Variants in FRMD4B observed in about 807,000 individuals in gnomAD.
FRMD4B encodes FERM domain-containing protein 4B.
A neutral mutation model predicts 141.5 loss-of-function variants in FRMD4B; 74 were observed. The observed-to-expected ratio is 0.52, with a 90% confidence interval of 0.43 to 0.63. The LOEUF (loss-of-function observed/expected upper bound fraction) is 0.63. Ranked by LOEUF, FRMD4B falls within the 30% of genes least tolerant of loss-of-function variation. The probability of loss-of-function intolerance (pLI) is 0.00; values close to 1 mark genes in which losing one functional copy is unlikely to be tolerated. For synonymous variants in FRMD4B, 506 were observed against 467.9 expected (o/e 1.08, Z -1.05); for missense variants, 1,366 against 1,253.4 (o/e 1.09, Z -1.36).
intron 7 of FRMD4B, among the ~76,000 whole-genome samples, chr3:69,232,075 G>A (rs1044832054): frequency 6.6e-6 from 1 of 152,174 alleles, no homozygotes; most frequent in African/African-American, 2.4e-5. Context: ...AGTTCAGAGG[G>A]AGGGCCCAAA....
intron 2 of FRMD4B, among the ~76,000 whole-genome samples, chr3:69,422,553 A>C: frequency 6.6e-6 from 1 of 152,206 alleles, no homozygotes; most frequent in Admixed American, 6.5e-5. Flanking sequence ...TTAGGTCAGT[A>C]GTCACCAAAC....
intron 1 of FRMD4B, among the ~76,000 whole-genome samples, chr3:69,316,673 A>G (rs1245641592): frequency 6.6e-6 from 1 of 152,222 alleles, no homozygotes; most frequent in East Asian, 1.9e-4. Context: ...AACAACCTTC[A>G]AAAGCTAATC....
chr3:69,484,638 G>A (rs1227815443), intron 1 of FRMD4B, among the ~76,000 whole-genome samples: 1 of 152,028 alleles, frequency 6.6e-6, no homozygotes, highest in African/African-American at 2.4e-5. Context: ...TTCTACAGCT[G>A]GTGTTCCTGA....
intron 5 of FRMD4B, among the ~76,000 whole-genome samples, chr3:69,267,626 TATATATATATAGAGAGAGAGAGAGAG>T (rs1260929003): frequency 0.082 from 1,098 of 13,402 alleles, 6 homozygotes; most frequent in Non-Finnish European, 0.12. Context: ...TATATATATA[TATATATATATAGAGAGAGAGAGAGAG>T]AGAGAGAGAG....
At chr3:69,189,326 T>C (rs2092810707) in intron 18 of FRMD4B, among the ~76,000 whole-genome samples, 1 of 149,700 alleles carries the variant, frequency 6.7e-6, no homozygotes, top group Non-Finnish European at 1.5e-5. Flanking sequence ...AACAACAAAA[T>C]GACAGGTAGC....
intron 4 of FRMD4B, among the ~76,000 whole-genome samples, chr3:69,298,947 C>A (rs1485436296): frequency 6.6e-6 from 1 of 152,036 alleles, no homozygotes; most frequent in African/African-American, 2.4e-5. Context: ...TCTTCTACCA[C>A]TGCTATATTC....
chr3:69,261,321 C>A (rs1431557981), intron 5 of FRMD4B, among the ~76,000 whole-genome samples: 1 of 152,192 alleles, frequency 6.6e-6, no homozygotes, highest in Non-Finnish European at 1.5e-5. Context: ...TCACGAGGGT[C>A]CACGGCTTCA....
intron 1 of FRMD4B, among the ~76,000 whole-genome samples, chr3:69,489,260 GAT>G (rs1706266995): frequency 2.7e-5 from 4 of 148,260 alleles, no homozygotes; most frequent in African/African-American, 7.4e-5. Flanking sequence ...ATATAAATGA[GAT>G]ATATGTATAT....
At chr3:69,329,200 T>A (rs28642375) in intron 1 of FRMD4B, among the ~76,000 whole-genome samples, 3,481 of 152,254 alleles carry the variant, frequency 0.023, 120 homozygotes, top group African/African-American at 0.079. Context: ...TTACAGAGAA[T>A]TCTGTTTGAA....
At chr3:69,493,008 G>A (rs1470658909) in intron 1 of FRMD4B, among the ~76,000 whole-genome samples, 1 of 152,194 alleles carries the variant, frequency 6.6e-6, no homozygotes, top group East Asian at 1.9e-4. Context: ...GGATTCTTAA[G>A]AGACTGGATG....
intron 11 of FRMD4B, among the ~76,000 whole-genome samples, chr3:69,215,225 A>G (rs1018521263): frequency 6.7e-6 from 1 of 148,178 alleles, no homozygotes; most frequent in African/African-American, 2.5e-5. Context: ...AAAATTTTAA[A>G]TGGACATTAA....
chr3:69,466,516 G>T (rs1260412992), intron 1 of FRMD4B, among the ~76,000 whole-genome samples: 2 of 152,160 alleles, frequency 1.3e-5, no homozygotes, highest in African/African-American at 4.8e-5. Flanking sequence ...TATCTGAGAT[G>T]TGCTTCAAAA....
intron 1 of FRMD4B, among the ~76,000 whole-genome samples, chr3:69,343,691 T>C (rs2107390704): frequency 6.7e-6 from 1 of 150,338 alleles, no homozygotes; most frequent in South Asian, 2.2e-4. Flanking sequence ...GTGATTCCCC[T>C]GCCTCAGCCT....
chr3:69,425,101 A>C (rs1386214696), intron 2 of FRMD4B, among the ~76,000 whole-genome samples: 2 of 152,164 alleles, frequency 1.3e-5, no homozygotes, highest in East Asian at 3.8e-4. Flanking sequence ...CATCTCTTCC[A>C]TGGTTTTTCA....
chr3:69,497,624 T>C (rs914651884), intron 1 of FRMD4B, among the ~76,000 whole-genome samples: 6 of 152,156 alleles, frequency 3.9e-5, no homozygotes, highest in Non-Finnish European at 7.3e-5. Context: ...TTTTTGTGTA[T>C]ACAGAGTGAA....
At chr3:69,272,532 C>T (rs2093599109) in intron 5 of FRMD4B, among the ~76,000 whole-genome samples, 1 of 152,182 alleles carries the variant, frequency 6.6e-6, no homozygotes, top group Non-Finnish European at 1.5e-5. Flanking sequence ...TAAATTATTT[C>T]TAAATCTTGA....
At position 69,367,057 on chromosome 3, in the gene FRMD4B, G is replaced by A. The variant is rs118000682; in HGVS notation, c.162+18771C>T. On this transcript the variant is annotated intron_variant, in intron 1 of 22. Coordinates refer to ENST00000398540, the MANE Select transcript of FRMD4B (RefSeq NM_015123.3). The stretch of plus-strand genomic sequence containing the variant: ...GTTGGGTTTACAGGTATGAGCCACC[G>A]TGCCAAGTGAACAATCATTTTTAAA... Among the ~76,000 whole-genome samples, 141 of 152,110 alleles carry A rather than the reference G, an allele frequency of 9.3e-4. 1 individual carries two copies. The East Asian group carries it at 0.025, about 27-fold the overall frequency.
In FRMD4B at chr3:69,377,073, G is replaced by C. The variant is rs114729268; in HGVS notation, c.162+8755C>G. ...CAAAGAACCTGGGACTAATTTTGTT[G>C]AGTTTAGGTGACATGTTTCTTTTAG... On this transcript the variant is annotated intron_variant, in intron 1 of 22. Coordinates refer to ENST00000398540, the MANE Select transcript of FRMD4B (RefSeq NM_015123.3). 153 of 152,238 alleles carry C rather than the reference G, an allele frequency of 1.0e-3. 1 individual carries two copies. Among genetic ancestry groups the C allele is most frequent in the African/African-American group, 3.6e-3 (149 of 41,550 alleles). 9.4% of individuals were successfully genotyped at this position (152,238 alleles called of 1,614,324 possible). A position where few individuals can be genotyped will look rare whatever the true frequency, so the allele number is the denominator to read the frequency against.
chr3:69,390,798 CGGAA>C (rs1704363691), upstream of FRMD4B, among the ~76,000 whole-genome samples: 1 of 152,072 alleles, frequency 6.6e-6, no homozygotes, highest in South Asian at 2.1e-4. Context: ...GAGGCTGAGG[CGGAA>C]GGACTGCTTG....
Sources: gnomAD v4.1 joint callset for allele counts (sites outside exome capture counted in the v4.1 genomes callset) on GRCh38, gnomAD v4.1.1 for gene constraint, MANE v1.5 for transcripts, NCBI Gene and HGNC (gene_info 2026-07-23, HGNC 2026-07-21) for gene names.